TENM2: variants seen among roughly 807,000 people sequenced by gnomAD.
TENM2 encodes teneurin transmembrane protein 2.
TENM2 carries 52 observed loss-of-function variants against 245.2 expected under a neutral mutation model. The observed-to-expected ratio is 0.21, with a 90% CI of 0.17 to 0.27. The LOEUF is 0.27. Among genes scored for constraint, TENM2 ranks in the 10% least tolerant of loss-of-function variants. The probability of loss-of-function intolerance (pLI) is 1.00; values close to 1 mark genes in which losing one functional copy is unlikely to be tolerated. For missense variants in TENM2, 3,046 were observed against 3,666.8 expected (o/e 0.83, Z 4.37); for synonymous variants, 1,363 against 1,438.9 (o/e 0.95, Z 1.19).
chr5:167,770,207 G>A lies in TENM2; in HGVS notation c.503-105779G>A, dbSNP rs73388303. ...TCATGGAGAATCCATTCAAAGGATT[G>A]GAAGAGGGAGTGATGTAGTCGTGGG... On this transcript the variant is annotated intron_variant, in intron 2 of 28. Coordinates refer to ENST00000518659, the Ensembl canonical transcript of TENM2. Among the ~76,000 whole-genome samples, 536 of 152,300 alleles carry A rather than the reference G, an allele frequency of 3.5e-3. 4 individuals carry two copies. The highest frequency in any genetic ancestry group is 0.012 in the African/African-American group (508 of 41,558).
At chr5:167,575,664 G>A (rs1011549640) in intron 2 of TENM2, among the ~76,000 whole-genome samples, 1 of 152,076 alleles carries the variant, frequency 6.6e-6, no homozygotes, top group Non-Finnish European at 1.5e-5. Flanking sequence ...GAAGTTCCCT[G>A]GGAAGCCCCT....
chr5:168,233,258 G>A (rs551449090), intron 25 of TENM2, among the ~76,000 whole-genome samples: 9 of 152,220 alleles, frequency 5.9e-5, no homozygotes, highest in Admixed American at 2.0e-4. Context: ...CCAGGGAGTC[G>A]GAGGTTGCAG....
In TENM2 at chr5:167,656,543, T is replaced by G. The variant is rs118084974; in HGVS notation, c.503-219443T>G. Among the ~76,000 whole-genome samples, 144 of 152,250 alleles carry G rather than the reference T, an allele frequency of 9.5e-4. 1 individual carries two copies. In the East Asian group the frequency reaches 0.018, roughly 19 times the overall value. On this transcript the variant is annotated intron_variant, in intron 2 of 28. Transcript: ENST00000518659. ...GGGCTACTAGGCCAGGGTAGGAAAG[T>G]AAACATCATGGGAAGATGACTTACT...
intron 1 of TENM2, among the ~76,000 whole-genome samples, chr5:167,363,746 A>AAAAG (rs10669775): frequency 8.3e-6 from 1 of 120,290 alleles, no homozygotes; most frequent in Non-Finnish European, 1.8e-5. Context: ...AAAAAAAAAA[A>AAAAG]GAAAAGAAAA....
At chr5:167,419,296 T>C (rs1763350801) in intron 2 of TENM2, among the ~76,000 whole-genome samples, 2 of 152,044 alleles carry the variant, frequency 1.3e-5, no homozygotes, top group Admixed American at 1.3e-4. Flanking sequence ...ACCCCACCTC[T>C]ACTAAAAATA....
intron 2 of TENM2, among the ~76,000 whole-genome samples, chr5:167,647,380 TG>T (rs1455915876): frequency 6.6e-6 from 1 of 151,996 alleles, no homozygotes; most frequent in Non-Finnish European, 1.5e-5. Flanking sequence ...CCCAGAACTT[TG>T]GGAGGCTGAG....
At chr5:167,361,808 A>G (rs1186071616) in intron 1 of TENM2, among the ~76,000 whole-genome samples, 1 of 152,194 alleles carries the variant, frequency 6.6e-6, no homozygotes. Flanking sequence ...AAGTGTTGAT[A>G]GTAATGGTTG....
chr5:167,662,597 T>C (rs1220659170), intron 2 of TENM2, among the ~76,000 whole-genome samples: 6 of 152,350 alleles, frequency 3.9e-5, no homozygotes, highest in African/African-American at 1.4e-4. Context: ...CATCATCTCC[T>C]CTCATTTTAC....
At chr5:167,030,470 T>G in the TENM2 span, among the ~76,000 whole-genome samples, 1 of 152,020 alleles carries the variant, frequency 6.6e-6, no homozygotes, top group Non-Finnish European at 1.5e-5. Flanking sequence ...CCCCCAGCGC[T>G]TTCTCTCTTT....
intron 2 of TENM2, among the ~76,000 whole-genome samples, chr5:167,433,489 C>A (rs1764366302): frequency 6.6e-6 from 1 of 152,036 alleles, no homozygotes. Context: ...ATTATTTTCC[C>A]CTCTTATGCT....
chr5:167,408,776 C>T (rs1260673365), intron 2 of TENM2, among the ~76,000 whole-genome samples: 1 of 150,382 alleles, frequency 6.6e-6, no homozygotes, highest in East Asian at 1.9e-4. Flanking sequence ...CATGTATTTC[C>T]CCCAAAATCT....
intron 2 of TENM2, among the ~76,000 whole-genome samples, chr5:167,689,745 T>C (rs1000261447): frequency 3.9e-5 from 6 of 152,146 alleles, no homozygotes; most frequent in African/African-American, 1.4e-4. Context: ...TTCTTACCTC[T>C]TCATCTGTTC....
intron 3 of TENM2, among the ~76,000 whole-genome samples, chr5:167,921,288 G>GA (rs1400692900): frequency 6.6e-5 from 10 of 152,080 alleles, no homozygotes; most frequent in African/African-American, 1.9e-4. Context: ...GCTGTGTACA[G>GA]AAAAAAAGAG....
At chr5:167,571,743 T>C (rs1774278243) in intron 2 of TENM2, among the ~76,000 whole-genome samples, 1 of 152,368 alleles carries the variant, frequency 6.6e-6, no homozygotes, top group African/African-American at 2.4e-5. Context: ...CCCCTGTTTT[T>C]ATTGTGCTGA....
At chr5:167,457,859 C>T (rs1348059152) in intron 2 of TENM2, among the ~76,000 whole-genome samples, 3 of 152,094 alleles carry the variant, frequency 2.0e-5, no homozygotes, top group Non-Finnish European at 4.4e-5. Flanking sequence ...CATCCCATTC[C>T]TAAGTCATTG....
intron 1 of TENM2, among the ~76,000 whole-genome samples, chr5:167,344,544 G>C (rs927389216): frequency 2.0e-5 from 3 of 152,034 alleles, no homozygotes; most frequent in African/African-American, 7.2e-5. Context: ...GGCTGCTTTT[G>C]ATGATTCACC....
chr5:168,075,852 G>A (rs1032369490), intron 7 of TENM2, among the ~76,000 whole-genome samples: 10 of 152,140 alleles, frequency 6.6e-5, no homozygotes, highest in African/African-American at 2.2e-4. Flanking sequence ...ACATGGTGGC[G>A]GCAGGCAAGA....
chr5:167,755,047 T>G, intron 2 of TENM2: 1 of 1,595,774 alleles, frequency 6.3e-7, no homozygotes, highest in Non-Finnish European at 8.5e-7. Flanking sequence ...ACTCCCAGCT[T>G]ACGCCGATGG....
At chr5:167,020,941 C>T in the TENM2 span, among the ~76,000 whole-genome samples, 896 of 152,216 alleles carry the variant, frequency 5.9e-3, 4 homozygotes, top group Non-Finnish European at 7.4e-3. Context: ...CTTAGGAGTT[C>T]GAGTGCAGCC....
Sources: gnomAD v4.1 joint callset for allele counts (sites outside exome capture counted in the v4.1 genomes callset) on GRCh38, gnomAD v4.1.1 for gene constraint, MANE v1.5 for transcripts, NCBI Gene and HGNC (gene_info 2026-07-23, HGNC 2026-07-21) for gene names.